Variants in PTPN12 observed in about 807,000 individuals in gnomAD.
The protein encoded by PTPN12 is tyrosine-protein phosphatase non-receptor type 12.
In PTPN12, 29 loss-of-function variants were observed where a neutral mutation model predicts 97.6. The observed-to-expected ratio is 0.30, with a 90% CI of 0.22 to 0.41. The LOEUF is 0.41. Ranked by LOEUF, PTPN12 falls within the 10% of genes least tolerant of loss-of-function variation. The probability of loss-of-function intolerance (pLI) is 1.00; values close to 1 mark genes in which losing one functional copy is unlikely to be tolerated. For missense variants in PTPN12, 819 were observed against 926.0 expected (o/e 0.88, Z 1.50); for synonymous variants, 327 against 300.4 (o/e 1.09, Z -0.91).
chr7:77,578,396 C>T (rs1024593055), intron 2 of PTPN12, among the ~76,000 whole-genome samples: 8 of 152,000 alleles, frequency 5.3e-5, no homozygotes, highest in African/African-American at 7.2e-5. Flanking sequence ...TGTAGGGTGG[C>T]GTGAAATAAA....
intron 12 of PTPN12, among the ~76,000 whole-genome samples, chr7:77,622,508 G>A (rs1243555850): frequency 6.6e-6 from 1 of 152,154 alleles, no homozygotes; most frequent in Non-Finnish European, 1.5e-5. Context: ...AGTGGCTCAT[G>A]CCTGTAATCC....
At chr7:77,564,031 C>T (rs775811892) in intron 1 of PTPN12, 60 of 301,954 alleles carry the variant, frequency 2.0e-4, no homozygotes, top group Non-Finnish European at 3.4e-4. Flanking sequence ...GCACACACCA[C>T]GAGGCTTGGC....
chr7:77,627,023 A>C lies in PTPN12; in HGVS notation c.1344A>C (p.Lys448Asn), dbSNP rs923564866. The C allele has an allele frequency of 1.2e-6, 2 of 1,608,020 alleles. No individual in the cohort carries two copies. Among genetic ancestry groups the C allele is most frequent in the African/African-American group, 2.7e-5 (2 of 74,434 alleles). ...AGGTCCCTCTCCAAGAGGGACCAAA[A>C]AGTTTTGATGGGAACACACTTTTGA... ...IKKVPLQEGP[K>N]SFDGNTLLNR... The change falls in exon 13 of 18, where the codon AAA becomes AAC. Residue 448 changes from lysine to asparagine, a missense_variant. Transcript: ENST00000248594.
At chr7:77,543,265 C>T (rs994779382) in intron 1 of PTPN12, among the ~76,000 whole-genome samples, 4 of 81,244 alleles carry the variant, frequency 4.9e-5, no homozygotes, top group African/African-American at 7.3e-5. Flanking sequence ...AGTGTCTTTC[C>T]ATTTTTTTTA....
At chr7:77,622,797 A>G (rs1788987232) in intron 12 of PTPN12, among the ~76,000 whole-genome samples, 2 of 151,904 alleles carry the variant, frequency 1.3e-5, no homozygotes, top group Non-Finnish European at 2.9e-5. Context: ...AAGAAATTAA[A>G]ATACTATAAA....
chr7:77,537,437 G>C lies in PTPN12; in HGVS notation c.-110G>C, dbSNP rs1245496063. On this transcript the variant is annotated 5_prime_UTR_variant, in exon 1 of 18. Coordinates refer to ENST00000248594, the MANE Select transcript of PTPN12 (RefSeq NM_002835.4). ...GGGAGCCGCGGGGCTTGGCGGGGTC[G>C]GGAGGGAGGGACGTGCTGGGGGAAC... 2.9e-6 allele frequency: 4 copies of C among 1,393,392 alleles called. No homozygotes were observed. In the South Asian group the frequency reaches 4.5e-5, roughly 16 times the overall value. 86.3% of individuals were successfully genotyped at this position (1,393,392 alleles called of 1,614,324 possible).
intron 6 of PTPN12, 129 bp from the exon 7 acceptor site, chr7:77,597,713 T>C: frequency 8.3e-7 from 1 of 1,200,984 alleles, no homozygotes; most frequent in Non-Finnish European, 1.1e-6. Flanking sequence ...TTTTTATAAT[T>C]ATCAGGTACA....
chr7:77,563,742 G>A (rs2151310443), intron 1 of PTPN12, among the ~76,000 whole-genome samples: 1 of 152,264 alleles, frequency 6.6e-6, no homozygotes, highest in South Asian at 2.1e-4. Flanking sequence ...TGAAAAAAAA[G>A]GGAGAGAATT....
At chr7:77,578,018 AT>A (rs1227310614) in intron 2 of PTPN12, among the ~76,000 whole-genome samples, 6 of 152,060 alleles carry the variant, frequency 3.9e-5, no homozygotes. Context: ...ATCTTAGAAA[AT>A]TTTTTAAAAA....
At chr7:77,541,116 G>C (rs370788254) in intron 1 of PTPN12, among the ~76,000 whole-genome samples, 4 of 151,920 alleles carry the variant, frequency 2.6e-5, no homozygotes, top group Non-Finnish European at 5.9e-5. Flanking sequence ...TTTGAGACAG[G>C]GTCTCACTCT....
intron 3 of PTPN12, among the ~76,000 whole-genome samples, chr7:77,582,641 G>T (rs1010630424): frequency 1.3e-5 from 2 of 151,812 alleles, no homozygotes; most frequent in East Asian, 1.9e-4. Context: ...AAAATTAGCC[G>T]GTCATGGTGG....
At chr7:77,561,624 G>C (rs1463485992) in intron 1 of PTPN12, among the ~76,000 whole-genome samples, 1 of 152,116 alleles carries the variant, frequency 6.6e-6, no homozygotes, top group Non-Finnish European at 1.5e-5. Context: ...GCAGAGAGAA[G>C]TGTGAATTCT....
intron 8 of PTPN12, among the ~76,000 whole-genome samples, chr7:77,602,587 T>C (rs1465073530): frequency 1.3e-5 from 2 of 151,608 alleles, no homozygotes; most frequent in Non-Finnish European, 2.9e-5. Context: ...ACTACTGCAC[T>C]CCAGCCTGGG....
intron 6 of PTPN12, among the ~76,000 whole-genome samples, chr7:77,594,456 C>CT (rs1562735843): frequency 6.6e-6 from 1 of 152,060 alleles, no homozygotes; most frequent in Non-Finnish European, 1.5e-5. Flanking sequence ...GTGTAGAAAC[C>CT]TAGTTCTGTG....
At chr7:77,596,523 A>G (rs1307621359) in intron 6 of PTPN12, among the ~76,000 whole-genome samples, 1 of 152,122 alleles carries the variant, frequency 6.6e-6, no homozygotes, top group African/African-American at 2.4e-5. Context: ...TGATCCACCT[A>G]CCTCAGCCTC....
intron 1 of PTPN12, chr7:77,538,223 C>G (rs1246016542): frequency 2.3e-6 from 1 of 428,576 alleles, no homozygotes; most frequent in African/African-American, 2.1e-5. Flanking sequence ...AAGGATTGCC[C>G]ATAAGGAATC....
Position 77,602,621 on chromosome 7 carries a change from A to T in PTPN12, c.695+1815A>T, listed in dbSNP as rs570689674. On this transcript the variant is annotated intron_variant, in intron 8 of 17. Coordinates refer to ENST00000248594, the MANE Select transcript of PTPN12 (RefSeq NM_002835.4). ...GGTGACATAGTAGACCCTATCTTTT[A>T]AAAAAAAAAAAAGAATATAGGTATC... Among the ~76,000 whole-genome samples the T allele has an allele frequency of 4.2e-3, 563 of 134,362 alleles. 5 individuals carry two copies. Among genetic ancestry groups the T allele is most frequent in the African/African-American group, 0.013 (462 of 36,052 alleles). The allele number at this position is 134,362 out of a possible 152,430, so 88.1% of individuals were successfully genotyped here.
At chr7:77,545,369 G>A (rs914406074) in intron 1 of PTPN12, among the ~76,000 whole-genome samples, 1 of 151,940 alleles carries the variant, frequency 6.6e-6, no homozygotes, top group South Asian at 2.1e-4. Context: ...AGGAGATGTG[G>A]GCTGCACTGG....
intron 8 of PTPN12, chr7:77,604,991 T>G (rs1788314302): frequency 3.9e-6 from 1 of 256,234 alleles, no homozygotes; most frequent in Non-Finnish European, 8.3e-6. Context: ...TGTGTTTCAT[T>G]GATCTGGTTA....
Sources: gnomAD v4.1 joint callset for allele counts (sites outside exome capture counted in the v4.1 genomes callset) on GRCh38, gnomAD v4.1.1 for gene constraint, MANE v1.5 for transcripts, NCBI Gene and HGNC (gene_info 2026-07-23, HGNC 2026-07-21) for gene names.